SLC7A11: variants seen among roughly 807,000 people sequenced by gnomAD.
SLC7A11 encodes the protein cystine/glutamate transporter.
In SLC7A11, 35 loss-of-function variants were observed where a neutral mutation model predicts 54.5. The observed-to-expected ratio is 0.64, with a 90% confidence interval of 0.49 to 0.85. The LOEUF (loss-of-function observed/expected upper bound fraction) is 0.85. SLC7A11 is among the 40% of genes least tolerant of loss of function. SLC7A11 has a pLI of 0.00. For missense variants in SLC7A11, 583 were observed against 618.1 expected (o/e 0.94, Z 0.60); for synonymous variants, 230 against 225.2 (o/e 1.02, Z -0.19).
intron 6 of SLC7A11, among the ~76,000 whole-genome samples, chr4:138,187,132 T>C (rs1313471598): frequency 3.9e-5 from 6 of 152,120 alleles, no homozygotes; most frequent in African/African-American, 2.4e-5. Context: ...TCTCCCAGCA[T>C]AGAATTTACC....
intron 1 of SLC7A11, among the ~76,000 whole-genome samples, chr4:138,238,638 C>A (rs1192815506): frequency 2.0e-5 from 3 of 151,268 alleles, no homozygotes; most frequent in Non-Finnish European, 2.9e-5. Flanking sequence ...ATCACTCTGG[C>A]ACCTAGGCTG....
At chr4:138,224,989 A>AT (rs1268479753) in intron 3 of SLC7A11, among the ~76,000 whole-genome samples, 2 of 151,444 alleles carry the variant, frequency 1.3e-5, no homozygotes, top group African/African-American at 4.8e-5. Context: ...TGATGAACAT[A>AT]TAGCATTTTG....
intron 1 of SLC7A11, among the ~76,000 whole-genome samples, chr4:138,237,721 ATATATATATATATATATTTTTTTTTT>A (rs1738254810): frequency 2.6e-4 from 2 of 7,838 alleles, no homozygotes; most frequent in African/African-American, 3.6e-4. Flanking sequence ...ATATATATAT[ATATATATATATATATATTTTTTTTTT>A]TTTTTTTTTT....
At position 138,237,718 on chromosome 4, in the gene SLC7A11, TATATATATATA is replaced by T. The variant is rs1738252117; in HGVS notation, c.278-1278_278-1268del. ...TAGCCAGAATATATATATATATATA[TATATATATATA>T]TATATATATTTTTTTTTTTTTTTTT... On this transcript the variant is annotated intron_variant, in intron 1 of 11. Transcript: ENST00000280612. 3.7e-4 allele frequency among the ~76,000 whole-genome samples: 3 copies of T among 8,140 alleles called. 1 individual carries two copies. Among genetic ancestry groups the T allele is most frequent in the African/African-American group, 1.2e-3 (3 of 2,552 alleles). 5.3% of individuals were successfully genotyped at this position (8,140 alleles called of 152,430 possible).
At chr4:138,209,913 C>A (rs1737507281) in intron 6 of SLC7A11, among the ~76,000 whole-genome samples, 2 of 151,620 alleles carry the variant, frequency 1.3e-5, no homozygotes, top group African/African-American at 4.8e-5. Flanking sequence ...CATATGAAAC[C>A]AAAAAAGAGC....
intron 4 of SLC7A11, among the ~76,000 whole-genome samples, chr4:138,220,267 TTATC>T (rs879821817): frequency 3.5e-4 from 54 of 152,282 alleles, no homozygotes; most frequent in Non-Finnish European, 6.5e-4. Flanking sequence ...AAAGTTTTCT[TTATC>T]TATAAGTTAA....
intron 1 of SLC7A11, among the ~76,000 whole-genome samples, chr4:138,237,739 T>TA (rs1738270196): frequency 1.5e-3 from 14 of 9,170 alleles, no homozygotes; most frequent in Admixed American, 2.2e-3. Flanking sequence ...ATATATATAT[T>TA]TTTTTTTTTT....
chr4:138,214,043 C>T (rs935781538), intron 6 of SLC7A11, among the ~76,000 whole-genome samples: 2 of 152,010 alleles, frequency 1.3e-5, no homozygotes, highest in Non-Finnish European at 2.9e-5. Context: ...AAATCATCTA[C>T]TTATCAAGTT....
intron 6 of SLC7A11, among the ~76,000 whole-genome samples, chr4:138,201,291 A>G (rs1222351990): frequency 6.6e-6 from 1 of 152,114 alleles, no homozygotes; most frequent in African/African-American, 2.4e-5. Context: ...GTATTTGATC[A>G]CTGCATTCTC....
At chr4:138,200,030 A>AT (rs1737240321) in intron 6 of SLC7A11, among the ~76,000 whole-genome samples, 2 of 152,110 alleles carry the variant, frequency 1.3e-5, no homozygotes, top group Non-Finnish European at 2.9e-5. Flanking sequence ...CCTTAAAATC[A>AT]TGACCTCCAC....
In SLC7A11 at chr4:138,215,648, C is replaced by T. The variant is rs377413813; in HGVS notation, c.747-1019G>A. Among the ~76,000 whole-genome samples the T allele has an allele frequency of 7.2e-5, 11 of 151,944 alleles. 1 individual carries two copies. The highest frequency in any genetic ancestry group is 2.7e-4 in the African/African-American group (11 of 41,360). On this transcript the variant is annotated intron_variant, in intron 5 of 11. Transcript: ENST00000280612. ...TCTATAAATAGAGATTGTAGTTACA[C>T]CATGAAAGCAAGCAACAATCAGTAC...
intron 5 of SLC7A11, among the ~76,000 whole-genome samples, chr4:138,217,456 A>G (rs1332978827): frequency 2.0e-5 from 3 of 152,192 alleles, no homozygotes; most frequent in Non-Finnish European, 4.4e-5. Context: ...AAGGGTCTTC[A>G]TCCATGGAGA....
At chr4:138,214,682 A>T in intron 5 of SLC7A11, 53 bp from the exon 6 acceptor site, 1 of 648,376 alleles carries the variant, frequency 1.5e-6, no homozygotes, top group Non-Finnish European at 2.4e-6. Flanking sequence ...CCATTATCCA[A>T]AGTCTCAAAT....
chr4:138,236,325 C>G lies in SLC7A11; in HGVS notation c.404G>C (p.Arg135Pro). ...VRVWVELLII[R>P]PAATAVISLA... The stretch of plus-strand genomic sequence containing the variant: ...TTAATTCTTTCTACTATGCTCTTAC[C>G]GTATTATGAGGAGTTCCACCCAGAC... Residue 135 changes from arginine (R) to proline (P), a missense_variant and splice_region_variant, in exon 2 of 12, where the codon CGC becomes CCC. Transcript: ENST00000280612. 1 of 1,601,726 alleles carries G rather than the reference C, an allele frequency of 6.2e-7. No individual in the cohort carries two copies.
chr4:138,217,345 T>C (rs1344158093), intron 5 of SLC7A11, among the ~76,000 whole-genome samples: 1 of 152,190 alleles, frequency 6.6e-6, no homozygotes, highest in East Asian at 1.9e-4. Flanking sequence ...GGTAAAAGTA[T>C]TAAAAAAGAT....
At chr4:138,234,312 C>T (rs1438437957) in intron 2 of SLC7A11, among the ~76,000 whole-genome samples, 1 of 152,120 alleles carries the variant, frequency 6.6e-6, no homozygotes. Flanking sequence ...TCTGGCAATA[C>T]TAACTTAATC....
intron 10 of SLC7A11, among the ~76,000 whole-genome samples, chr4:138,180,176 GAA>G (rs1472861585): frequency 6.6e-6 from 1 of 152,008 alleles, no homozygotes; most frequent in Non-Finnish European, 1.5e-5. Flanking sequence ...ATAATATAGA[GAA>G]AGAGCAATGT....
intron 6 of SLC7A11, among the ~76,000 whole-genome samples, chr4:138,201,837 TTAAGG>T (rs1208995533): frequency 6.6e-6 from 1 of 152,134 alleles, no homozygotes; most frequent in Non-Finnish European, 1.5e-5. Flanking sequence ...CACAACGATC[TTAAGG>T]TAAGCATTAG....
At chr4:138,196,923 G>A (rs1737151637) in intron 6 of SLC7A11, among the ~76,000 whole-genome samples, 1 of 152,210 alleles carries the variant, frequency 6.6e-6, no homozygotes, top group Non-Finnish European at 1.5e-5. Context: ...GCCTCCCAAA[G>A]TGCTAGGATT....
Sources: gnomAD v4.1 joint callset for allele counts (sites outside exome capture counted in the v4.1 genomes callset) on GRCh38, gnomAD v4.1.1 for gene constraint, MANE v1.5 for transcripts, NCBI Gene and HGNC (gene_info 2026-07-23, HGNC 2026-07-21) for gene names.